Variants in ARHGEF11 observed in about 807,000 individuals in gnomAD.
ARHGEF11 encodes the protein Rho guanine nucleotide exchange factor 11, also known as Rho guanine exchange factor (GEF) 11.
A neutral mutation model predicts 193.7 loss-of-function variants in ARHGEF11; 55 were observed. The observed-to-expected ratio is 0.28, with a 90% CI of 0.23 to 0.36. ARHGEF11 has a LOEUF of 0.36. Among genes scored for constraint, ARHGEF11 ranks in the 10% least tolerant of loss-of-function variants. ARHGEF11 has a pLI of 1.00. For synonymous variants in ARHGEF11, 693 were observed against 768.0 expected (o/e 0.90, Z 1.62); for missense variants, 1,723 against 2,005.6 (o/e 0.86, Z 2.69).
intron 11 of ARHGEF11, among the ~76,000 whole-genome samples, chr1:156,964,807 C>G (rs1011975849): frequency 3.9e-5 from 6 of 152,190 alleles, no homozygotes; most frequent in African/African-American, 1.4e-4. Context: ...ACTCTCTGAC[C>G]CTCTTGGGGT....
rs1286775369 is a variant in ARHGEF11, at chr1:156,971,681, T to G, written c.702+16A>C. On this transcript the variant is annotated intron_variant, in intron 8 of 40. Coordinates refer to ENST00000368194, the MANE Select transcript of ARHGEF11 (RefSeq NM_198236.3). Reference sequence around the variant, plus strand: ...ACTGCATGTGCCCTTACTAGAGCTGTGCCTACATCACTCACCACTGAGCCA... The same window carrying G: ...ACTGCATGTGCCCTTACTAGAGCTGGGCCTACATCACTCACCACTGAGCCA... 3.7e-6 allele frequency: 6 copies of G among 1,612,376 alleles called. No homozygotes were observed. In the Admixed American group the frequency reaches 1.0e-4, roughly 27 times the overall value.
At chr1:156,980,834 G>C (rs996501832) in intron 3 of ARHGEF11, among the ~76,000 whole-genome samples, 1 of 34,308 alleles carries the variant, frequency 2.9e-5, no homozygotes, top group Non-Finnish European at 4.9e-5. Context: ...GTTATATTCC[G>C]GGGGGGGGGG....
chr1:156,937,027 T>C (rs1655539909), intron 39 of ARHGEF11, 22 bp from the exon 40 acceptor site: 3 of 1,608,196 alleles, frequency 1.9e-6, no homozygotes, highest in Admixed American at 1.7e-5. Flanking sequence ...GGCGGGGGAA[T>C]GTCTGCTCGA....
chr1:156,946,178 C>T lies in ARHGEF11; in HGVS notation c.2695-16G>A. On this transcript the variant is annotated splice_polypyrimidine_tract_variant and intron_variant, in intron 28 of 40. Coordinates refer to ENST00000368194, the MANE Select transcript of ARHGEF11 (RefSeq NM_198236.3). ...TCTCAGCCTCCTAGACAGCAGGAGA[C>T]ACAGAAGGGAGGAGATGTCAGCGTG... 3 of 1,608,984 alleles carry T rather than the reference C, an allele frequency of 1.9e-6. No homozygotes were observed. The highest frequency in any genetic ancestry group is 1.7e-6 in the Non-Finnish European group (2 of 1,177,020).
At chr1:156,967,931 C>A (rs1009270096) in intron 11 of ARHGEF11, 56 bp downstream of exon 11, 1 of 1,611,682 alleles carries the variant, frequency 6.2e-7, no homozygotes. Flanking sequence ...ACACCCATGC[C>A]TCCAAATCTC....
At chr1:157,036,477 A>G (rs1193892580) in intron 1 of ARHGEF11, among the ~76,000 whole-genome samples, 2 of 151,846 alleles carry the variant, frequency 1.3e-5, no homozygotes, top group Non-Finnish European at 2.9e-5. Flanking sequence ...GTGCACCAAC[A>G]CATCAGGCTA....
At chr1:156,960,196 C>T (rs1280525909) in intron 15 of ARHGEF11, among the ~76,000 whole-genome samples, 1 of 151,958 alleles carries the variant, frequency 6.6e-6, no homozygotes, top group Non-Finnish European at 1.5e-5. Flanking sequence ...ATGACAAGCT[C>T]CCCCCGGCAG....
intron 1 of ARHGEF11, among the ~76,000 whole-genome samples, chr1:157,013,475 G>A (rs966043776): frequency 6.6e-5 from 10 of 151,964 alleles, no homozygotes; most frequent in African/African-American, 2.4e-4. Flanking sequence ...TCTTGGTGAA[G>A]CATTTCCCTA....
intron 11 of ARHGEF11, among the ~76,000 whole-genome samples, chr1:156,967,531 C>T (rs1265929205): frequency 1.3e-5 from 2 of 151,460 alleles, no homozygotes; most frequent in African/African-American, 4.8e-5. Context: ...CCCTTGAGGG[C>T]AGGGGGAGGT....
chr1:157,029,285 T>TTG (rs1671023459), intron 1 of ARHGEF11, among the ~76,000 whole-genome samples: 1 of 83,368 alleles, frequency 1.2e-5, no homozygotes, highest in Non-Finnish European at 2.6e-5. Flanking sequence ...TGTTGTTGTT[T>TTG]TTGAGACAGA....
Position 156,968,121 on chromosome 1 carries a change from A to G in ARHGEF11, c.829T>C (p.Leu277=). The G allele has an allele frequency of 6.2e-7, 1 of 1,605,266 alleles. No homozygotes were observed. Among genetic ancestry groups the G allele is most frequent in the Middle Eastern group, 1.7e-4 (1 of 6,014 alleles). The change falls in exon 11 of 41, where the codon TTG becomes CTG. Residue 277 remains leucine (L), a synonymous_variant. Transcript: ENST00000368194. The part of the protein sequence containing the change: ...TERFPSLSES[L]MNRNSVLSDP... Reference sequence around the variant, plus strand: ...GACAGTACCGAGTTCCGATTCATCAATGACTAGAGAAACAAAGAATTCTGT... The same window carrying G: ...GACAGTACCGAGTTCCGATTCATCAGTGACTAGAGAAACAAAGAATTCTGT...
intron 1 of ARHGEF11, among the ~76,000 whole-genome samples, chr1:157,021,147 T>C (rs1431298108): frequency 6.6e-6 from 1 of 152,224 alleles, no homozygotes; most frequent in East Asian, 1.9e-4. Context: ...AAGAGAGTGA[T>C]GTGATGGGGT....
Position 156,955,786 on chromosome 1 carries a change from T to C in ARHGEF11, c.1685A>G (p.Lys562Arg). Residue 562 changes from lysine to arginine, a missense_variant, in exon 20 of 41, where the codon AAG becomes AGG. Transcript: ENST00000368194. ...GTCCTCCAAGGCATCCTTTTCTTTCTTGGAATTGCTGCTCTGCTGAGACAG... is the reference window on the plus strand; with the variant it reads ...GTCCTCCAAGGCATCCTTTTCTTTCCTGGAATTGCTGCTCTGCTGAGACAG... Reference protein sequence around the residue: ...FPKTKKSSNSKKEKDALEDKK... With the variant: ...FPKTKKSSNSRKEKDALEDKK... 6.2e-7 allele frequency: 1 copy of C among 1,614,036 alleles called. No individual in the cohort carries two copies. The highest frequency in any genetic ancestry group is 8.5e-7 in the Non-Finnish European group (1 of 1,179,922).
chr1:156,961,163 G>A (rs1306132595), intron 14 of ARHGEF11, among the ~76,000 whole-genome samples: 1 of 152,212 alleles, frequency 6.6e-6, no homozygotes, highest in Non-Finnish European at 1.5e-5. Flanking sequence ...TCTTGCCAGC[G>A]GGATCCCTGA....
chr1:157,011,398 T>TA (rs1668523163), intron 1 of ARHGEF11, among the ~76,000 whole-genome samples: 1 of 152,124 alleles, frequency 6.6e-6, no homozygotes, highest in South Asian at 2.1e-4. Context: ...AACATAGGAA[T>TA]AAATCTTTGT....
At chr1:156,950,374 T>A (rs1658893251) in intron 22 of ARHGEF11, among the ~76,000 whole-genome samples, 1 of 152,232 alleles carries the variant, frequency 6.6e-6, no homozygotes, top group African/African-American at 2.4e-5. Flanking sequence ...CAGTGGCTCA[T>A]GCCTATAATC....
rs1258287493 is a variant in ARHGEF11 at position 156,948,007 on chromosome 1, G to A, written c.2154-51C>T. 1 of 1,597,072 alleles carries A rather than the reference G, an allele frequency of 6.3e-7. No individual in the cohort carries two copies. Among genetic ancestry groups the A allele is most frequent in the Non-Finnish European group, 8.6e-7 (1 of 1,168,918 alleles). ...TCATTTAGGAGGAAGAACTCACACA[G>A]AGGGTTTGGCCCTCCCTCTCCTGCC... On this transcript the variant is annotated intron_variant, in intron 24 of 40. Coordinates refer to ENST00000368194, the MANE Select transcript of ARHGEF11 (RefSeq NM_198236.3). The surrounding 1 kb of genome is among the most constrained non-coding windows in gnomAD (Gnocchi z 4.2).
In ARHGEF11 at chr1:156,940,182, GA is replaced by G. The variant is rs758817490; in HGVS notation, c.3733+24del. On this transcript the variant is annotated intron_variant, in intron 36 of 40. Coordinates refer to ENST00000368194, the MANE Select transcript of ARHGEF11 (RefSeq NM_198236.3). ...GGTGTGCGACTGGGGACCAGGGGCT[GA>G]CGGCAGGGCCTTGAAGCACTCACCA... 4 of 1,543,232 alleles carry G rather than the reference GA, an allele frequency of 2.6e-6. No homozygotes were observed. The South Asian group carries it at 5.1e-5, about 20-fold the overall frequency.
chr1:156,982,278 G>T (rs1333259833), intron 3 of ARHGEF11, among the ~76,000 whole-genome samples: 3 of 151,986 alleles, frequency 2.0e-5, no homozygotes, highest in Admixed American at 6.5e-5. Flanking sequence ...ATCACTGTGG[G>T]AATTTTTAAA....
Sources: allele counts gnomAD v4.1 joint callset (sites outside exome capture counted in the v4.1 genomes callset), GRCh38; gene constraint gnomAD v4.1.1; non-coding constraint Gnocchi (gnomAD v3.1); transcripts MANE v1.5; gene names NCBI Gene and HGNC (gene_info 2026-07-23, HGNC 2026-07-21).